FARP1: variants seen among roughly 807,000 people sequenced by gnomAD.
The protein encoded by FARP1 is FERM, ARH/RhoGEF and pleckstrin domain protein 1.
A neutral mutation model predicts 128.8 loss-of-function variants in FARP1; 52 were observed. The ratio of observed to expected loss-of-function variants is 0.40; its 90% CI spans 0.32 to 0.51. FARP1 has a LOEUF of 0.51. FARP1 is among the 20% of genes least tolerant of loss of function. The probability of loss-of-function intolerance (pLI) is 0.45; values close to 1 mark genes in which losing one functional copy is unlikely to be tolerated. For synonymous variants in FARP1, 580 were observed against 551.8 expected (o/e 1.05, Z -0.72); for missense variants, 1,333 against 1,367.9 (o/e 0.97, Z 0.40).
At chr13:98,298,081 G>A (rs1192799120) in intron 2 of FARP1, among the ~76,000 whole-genome samples, 2 of 152,206 alleles carry the variant, frequency 1.3e-5, no homozygotes, top group African/African-American at 4.8e-5. Context: ...ATGTCAGGCT[G>A]TGTAGGACTG....
Position 98,435,619 on chromosome 13 carries a change from T to C in FARP1, c.2187T>C (p.Gly729=). The change falls in exon 19 of 27, where the codon GGT becomes GGC. Residue 729 remains glycine (G), a synonymous_variant. Transcript: ENST00000319562. ...CGGAGATGGTGGCACAGCTCCACGG[T>C]ACGATGATCAAGATGGAGAATTTCC... ...EITEMVAQLH[G]TMIKMENFQK... 6.2e-7 allele frequency: 1 copy of C among 1,613,984 alleles called. No individual in the cohort carries two copies. The highest frequency in any genetic ancestry group is 8.5e-7 in the Non-Finnish European group (1 of 1,179,962).
intron 1 of FARP1, among the ~76,000 whole-genome samples, chr13:98,168,482 GT>G (rs1391483899): frequency 1.3e-5 from 2 of 152,174 alleles, no homozygotes; most frequent in Non-Finnish European, 2.9e-5. Context: ...AGAGATCCTT[GT>G]CCAGAAGTCT....
In FARP1 at chr13:98,449,997, A is replaced by AGAC. The variant is rs1893109913; in HGVS notation, c.*1681_*1683dup. On this transcript the variant is annotated 3_prime_UTR_variant, in exon 27 of 27. Coordinates refer to ENST00000319562, the MANE Select transcript of FARP1 (RefSeq NM_005766.4). Reference sequence around the variant, plus strand: ...GAAGTCACCACTCACTCATTCCTGGAGACTTGGGGACAAGGCAGTCTCCTC... The same window carrying AGAC: ...GAAGTCACCACTCACTCATTCCTGGAGACGACTTGGGGACAAGGCAGTCTCCTC... 3 of 151,784 alleles carry AGAC rather than the reference A, an allele frequency of 2.0e-5. No individual in the cohort carries two copies. Among genetic ancestry groups the AGAC allele is most frequent in the African/African-American group, 7.3e-5 (3 of 41,292 alleles). 9.4% of individuals were successfully genotyped at this position (151,784 alleles called of 1,614,324 possible). A position where few individuals can be genotyped will look rare whatever the true frequency, so the allele number is the denominator to read the frequency against.
At chr13:98,168,424 T>C (rs1316466414) in intron 1 of FARP1, among the ~76,000 whole-genome samples, 4 of 152,250 alleles carry the variant, frequency 2.6e-5, no homozygotes, top group Non-Finnish European at 5.9e-5. Context: ...AATCGACTTT[T>C]AGTCTCTTCA....
intron 19 of FARP1, among the ~76,000 whole-genome samples, chr13:98,436,595 A>G (rs1198574605): frequency 6.6e-6 from 1 of 152,192 alleles, no homozygotes; most frequent in Non-Finnish European, 1.5e-5. Flanking sequence ...TCTGTAACTC[A>G]GGGCAGGGGA....
intron 2 of FARP1, among the ~76,000 whole-genome samples, chr13:98,293,960 CAA>C (rs1171336773): frequency 6.6e-6 from 1 of 152,186 alleles, no homozygotes; most frequent in Non-Finnish European, 1.5e-5. Flanking sequence ...GAGGATGCCT[CAA>C]GAGATGCTGG....
intron 1 of FARP1, among the ~76,000 whole-genome samples, chr13:98,182,569 T>C (rs9556898): frequency 0.76 from 115,474 of 151,744 alleles, 44,016 homozygotes; most frequent in Admixed American, 0.82. Context: ...TTTAGTGATC[T>C]ACCTGCCTTG....
intron 1 of FARP1, among the ~76,000 whole-genome samples, chr13:98,168,000 G>A (rs1396276597): frequency 6.6e-6 from 1 of 151,702 alleles, no homozygotes; most frequent in Non-Finnish European, 1.5e-5. Context: ...GTGAAACCCC[G>A]TCTCTACTAA....
intron 2 of FARP1, 78 bp downstream of exon 2, chr13:98,213,491 A>T: frequency 6.9e-7 from 1 of 1,446,910 alleles, no homozygotes; most frequent in Non-Finnish European, 9.4e-7. Context: ...GCTCATTCCC[A>T]TGGCCAGTGA....
intron 1 of FARP1, among the ~76,000 whole-genome samples, chr13:98,181,521 C>T (rs1172401962): frequency 2.6e-5 from 4 of 151,340 alleles, no homozygotes; most frequent in Non-Finnish European, 4.4e-5. Context: ...GATACATTCT[C>T]ATTATAAAAA....
chr13:98,374,664 A>G (rs1478940199), intron 5 of FARP1, among the ~76,000 whole-genome samples: 1 of 152,136 alleles, frequency 6.6e-6, no homozygotes, highest in African/African-American at 2.4e-5. Flanking sequence ...TATTTTTCCA[A>G]AACTGGAAGT....
In FARP1 at chr13:98,409,331, C is replaced by T; in HGVS notation, c.1415-7C>T. The T allele has an allele frequency of 6.3e-7, 1 of 1,591,006 alleles. No homozygotes were observed. Among genetic ancestry groups the T allele is most frequent in the Non-Finnish European group, 8.6e-7 (1 of 1,165,066 alleles). On this transcript the variant is annotated splice_polypyrimidine_tract_variant and splice_region_variant and intron_variant, in intron 13 of 26. Coordinates refer to ENST00000319562, the MANE Select transcript of FARP1 (RefSeq NM_005766.4). ...TTTTTTCTTTAAAACTTCTCATCCCCAAACAGGCTCCCTGACTGGCAGTCC... is the reference window on the plus strand; with the variant it reads ...TTTTTTCTTTAAAACTTCTCATCCCTAAACAGGCTCCCTGACTGGCAGTCC...
chr13:98,159,670 T>C (rs549435483), intron 1 of FARP1: 2 of 152,138 alleles, frequency 1.3e-5, no homozygotes, highest in East Asian at 1.9e-4. Flanking sequence ...GGGGTTTCTC[T>C]ATGTTGGTCA....
At chr13:98,160,967 C>T (rs1445381361) in intron 1 of FARP1, among the ~76,000 whole-genome samples, 5 of 152,194 alleles carry the variant, frequency 3.3e-5, no homozygotes, top group East Asian at 1.9e-4. Flanking sequence ...AGTGAGCCAC[C>T]GCGCCTGGCT....
intron 2 of FARP1, among the ~76,000 whole-genome samples, chr13:98,310,095 C>A (rs1376339350): frequency 8.1e-6 from 1 of 123,410 alleles, no homozygotes; most frequent in Non-Finnish European, 1.8e-5. Flanking sequence ...TTTTTTTTCC[C>A]ATAATAGGCT....
At chr13:98,275,368 A>G (rs1884592894) in intron 2 of FARP1, among the ~76,000 whole-genome samples, 1 of 135,504 alleles carries the variant, frequency 7.4e-6, no homozygotes, top group African/African-American at 2.6e-5. Context: ...AGAGAGAGAT[A>G]ATATTTATAT....
At chr13:98,423,972 C>G (rs574103114) in intron 16 of FARP1, among the ~76,000 whole-genome samples, 2 of 152,334 alleles carry the variant, frequency 1.3e-5, no homozygotes, top group East Asian at 3.9e-4. Flanking sequence ...GCCTCTCTCT[C>G]TTCCTGGGCC....
At position 98,418,601 on chromosome 13, in the gene FARP1, G is replaced by A. The variant is rs142683000; in HGVS notation, c.1827-5971G>A. 2.0e-5 allele frequency among the ~76,000 whole-genome samples: 3 copies of A among 152,248 alleles called. No homozygotes were observed. In the East Asian group the frequency reaches 5.8e-4, roughly 29 times the overall value. On this transcript the variant is annotated intron_variant, in intron 16 of 26. Coordinates refer to ENST00000319562, the MANE Select transcript of FARP1 (RefSeq NM_005766.4). ...ATTCCATGTTCTTGAGCATAGCTTT[G>A]AGCTAGTTTTTCTTGGATTTTCTGC...
chr13:98,380,040 C>T (rs1231610684), intron 6 of FARP1, among the ~76,000 whole-genome samples: 1 of 152,152 alleles, frequency 6.6e-6, no homozygotes, highest in Non-Finnish European at 1.5e-5. Flanking sequence ...GTCTCTGACC[C>T]TTGGCATTTT....
Sources: gnomAD v4.1 joint callset for allele counts (sites outside exome capture counted in the v4.1 genomes callset) on GRCh38, gnomAD v4.1.1 for gene constraint, MANE v1.5 for transcripts, NCBI Gene and HGNC (gene_info 2026-07-23, HGNC 2026-07-21) for gene names.